Variants in ZNF69 observed in about 807,000 individuals in gnomAD.
The protein encoded by ZNF69 is ZNF3.
ZNF69 carries 47 observed loss-of-function variants against 50.9 expected under a neutral mutation model. The ratio of observed to expected loss-of-function variants is 0.92; its 90% CI spans 0.73 to 1.18. ZNF69 has a LOEUF of 1.18. Among genes scored for constraint, ZNF69 ranks in the 50% most tolerant of loss-of-function variants. The probability of loss-of-function intolerance (pLI) is 0.00; values close to 1 mark genes in which losing one functional copy is unlikely to be tolerated. For synonymous variants in ZNF69, 216 were observed against 223.1 expected (o/e 0.97, Z 0.29); for missense variants, 717 against 675.1 (o/e 1.06, Z -0.69).
the ZNF69 span, chr19:11,979,272 C>G: frequency 6.2e-7 from 1 of 1,612,790 alleles, no homozygotes; most frequent in Non-Finnish European, 8.5e-7. Flanking sequence ...GAGAGAAACC[C>G]TATGAGTGTA....
downstream of ZNF69, among the ~76,000 whole-genome samples, chr19:11,916,368 A>G (rs902657292): frequency 2.0e-5 from 3 of 152,192 alleles, no homozygotes; most frequent in Admixed American, 1.3e-4. Context: ...TAATCCCAGC[A>G]CTTTGGGAGG....
chr19:11,968,438 C>G, the ZNF69 span, among the ~76,000 whole-genome samples: 1 of 151,888 alleles, frequency 6.6e-6, no homozygotes, highest in East Asian at 1.9e-4. Flanking sequence ...GGTGGGGTCT[C>G]GATATGTTGC....
At chr19:11,974,092 T>TC in the ZNF69 span, among the ~76,000 whole-genome samples, 1 of 88,814 alleles carries the variant, frequency 1.1e-5, no homozygotes, top group African/African-American at 5.1e-5. Flanking sequence ...TTTCTTTCTT[T>TC]CTTTCTTTCT....
At chr19:11,974,342 G>A in the ZNF69 span, among the ~76,000 whole-genome samples, 10 of 148,604 alleles carry the variant, frequency 6.7e-5, no homozygotes, top group African/African-American at 2.2e-4. Flanking sequence ...GATTACAGGC[G>A]TGGTCCTCCA....
At chr19:11,948,544 G>A in the ZNF69 span, 2 of 1,610,492 alleles carry the variant, frequency 1.2e-6, no homozygotes, top group African/African-American at 1.3e-5. Context: ...AAATAAGAAA[G>A]CCTTCAGGTA....
chr19:11,965,686 T>C, the ZNF69 span, among the ~76,000 whole-genome samples: 1 of 152,210 alleles, frequency 6.6e-6, no homozygotes, highest in Non-Finnish European at 1.5e-5. Context: ...AGTCCTGGCT[T>C]GTGGTTTGTC....
At chr19:11,969,135 C>T in the ZNF69 span, among the ~76,000 whole-genome samples, 10 of 152,174 alleles carry the variant, frequency 6.6e-5, no homozygotes, top group Non-Finnish European at 1.3e-4. Flanking sequence ...GACAGGGTCT[C>T]ACTCTGTCGG....
At chr19:11,950,353 TATC>T in the ZNF69 span, 81 of 1,203,380 alleles carry the variant, frequency 6.7e-5, no homozygotes, top group South Asian at 1.1e-3. Flanking sequence ...TTCTTTTCGA[TATC>T]ATGAAAGGAC....
the ZNF69 span, among the ~76,000 whole-genome samples, chr19:11,960,030 T>G: frequency 0.13 from 20,198 of 150,466 alleles, 2,506 homozygotes; most frequent in African/African-American, 0.34. Flanking sequence ...TTGTAGTGTT[T>G]TTTTTTTCTT....
Position 11,903,897 on chromosome 19 carries a change from T to C in ZNF69, c.191-8T>C. 1 of 1,613,240 alleles carries C rather than the reference T, an allele frequency of 6.2e-7. No homozygotes were observed. Among genetic ancestry groups the C allele is most frequent in the Non-Finnish European group, 8.5e-7 (1 of 1,179,766 alleles). The stretch of plus-strand genomic sequence containing the variant: ...CCTCAGGACTATTTTTCTGTGTCTA[T>C]ATTTTAGGAAAAAGTTGGAAAGACC... On this transcript the variant is annotated splice_polypyrimidine_tract_variant and splice_region_variant and intron_variant, in intron 2 of 3. Coordinates refer to ENST00000429654, the MANE Select transcript of ZNF69 (RefSeq NM_001364730.1).
At chr19:11,937,329 C>T in the ZNF69 span, among the ~76,000 whole-genome samples, 4 of 152,014 alleles carry the variant, frequency 2.6e-5, no homozygotes, top group East Asian at 7.7e-4. Flanking sequence ...TGTTGTATGC[C>T]ACCATGTCTA....
At chr19:11,912,400 C>T (rs1972470376) in intron 4 of ZNF69, among the ~76,000 whole-genome samples, 1 of 152,070 alleles carries the variant, frequency 6.6e-6, no homozygotes, top group African/African-American at 2.4e-5. Flanking sequence ...TTCAGCTTGC[C>T]TACTTCCTTT....
the ZNF69 span, chr19:11,947,664 A>G: frequency 2.5e-6 from 3 of 1,207,292 alleles, no homozygotes; most frequent in Non-Finnish European, 3.6e-6. Context: ...AAAGAACTAA[A>G]TCCAGCATCA....
downstream of ZNF69, among the ~76,000 whole-genome samples, chr19:11,907,268 G>T (rs2145246793): frequency 6.6e-6 from 1 of 152,314 alleles, no homozygotes; most frequent in East Asian, 1.9e-4. Context: ...TTATTCAGGA[G>T]AACTTCCCCA....
chr19:11,938,317 G>A, the ZNF69 span, among the ~76,000 whole-genome samples: 1 of 152,128 alleles, frequency 6.6e-6, no homozygotes, highest in Non-Finnish European at 1.5e-5. Context: ...CATGTGACAT[G>A]TTGGTGTGCT....
downstream of ZNF69, among the ~76,000 whole-genome samples, chr19:11,916,399 G>A (rs549295304): frequency 9.2e-5 from 14 of 152,328 alleles, no homozygotes; most frequent in African/African-American, 3.4e-4. Flanking sequence ...CAGATCACTT[G>A]AGGTCAGGAG....
chr19:11,917,284 C>A (rs141862328), downstream of ZNF69, among the ~76,000 whole-genome samples: 15 of 152,344 alleles, frequency 9.8e-5, no homozygotes, highest in East Asian at 2.5e-3. Flanking sequence ...AGGTCAGAAC[C>A]TTCCACTGAC....
Position 11,905,138 on chromosome 19 carries a change from A to G in ZNF69, c.741A>G (p.Pro247=), listed in dbSNP as rs1451140151. 7 of 1,614,002 alleles carry G rather than the reference A, an allele frequency of 4.3e-6. No individual in the cohort carries two copies. The highest frequency in any genetic ancestry group is 1.6e-4 in the Middle Eastern group (1 of 6,062). ...AAAGAATTCACACTGGAGAGAAACC[A>G]TATGAATGTAAACAATGTGGTAAAT... ...IHERIHTGEK[P]YECKQCGKSF... Residue 247 remains proline, a synonymous_variant, in exon 4 of 4, where the codon CCA becomes CCG. Transcript: ENST00000429654.
At position 11,904,815 on chromosome 19, in the gene ZNF69, T is replaced by A; in HGVS notation, c.418T>A (p.Ser140Thr). 1 of 1,614,094 alleles carries A rather than the reference T, an allele frequency of 6.2e-7. No homozygotes were observed. The highest frequency in any genetic ancestry group is 8.5e-7 in the Non-Finnish European group (1 of 1,179,992). Residue 140 changes from serine to threonine, a missense_variant, in exon 4 of 4, where the codon TCT becomes ACT. Coordinates refer to ENST00000429654, the MANE Select transcript of ZNF69 (RefSeq NM_001364730.1). ...TGGAGAAGTTGGCCTAGGTAACTCATCTTTTAATATGAACATCAGAGGTGA... is the reference window on the plus strand; with the variant it reads ...TGGAGAAGTTGGCCTAGGTAACTCAACTTTTAATATGAACATCAGAGGTGA... ...VCGEVGLGNSSFNMNIRGDIG... is the reference protein window; with the variant it reads ...VCGEVGLGNSTFNMNIRGDIG...
Sources: allele counts gnomAD v4.1 joint callset (sites outside exome capture counted in the v4.1 genomes callset), GRCh38; gene constraint gnomAD v4.1.1; transcripts MANE v1.5; gene names NCBI Gene and HGNC (gene_info 2026-07-23, HGNC 2026-07-21).